Variants in SLC38A1 observed in about 807,000 individuals in gnomAD.
The protein encoded by SLC38A1 is sodium-coupled neutral amino acid symporter 1.
A neutral mutation model predicts 60.3 loss-of-function variants in SLC38A1; 18 were observed. The ratio of observed to expected loss-of-function variants is 0.30; its 90% CI spans 0.21 to 0.44. The LOEUF (loss-of-function observed/expected upper bound fraction) is 0.44. Among genes scored for constraint, SLC38A1 ranks in the 20% least tolerant of loss-of-function variants. SLC38A1 has a pLI of 1.00. For synonymous variants in SLC38A1, 196 were observed against 212.1 expected, an observed-to-expected ratio of 0.92 and a Z score of 0.66; for missense variants, 448 against 587.2, an observed-to-expected ratio of 0.76 and a Z score of 2.45.
At chr12:46,217,271 A>T (rs973175768) in intron 5 of SLC38A1, among the ~76,000 whole-genome samples, 3 of 152,134 alleles carry the variant, frequency 2.0e-5, no homozygotes, top group African/African-American at 7.2e-5. Context: ...TGGTAGTATG[A>T]CTCCAAAGTC....
chr12:46,231,109 CTA>C (rs1428302823), intron 3 of SLC38A1, among the ~76,000 whole-genome samples: 2 of 107,364 alleles, frequency 1.9e-5, no homozygotes, highest in African/African-American at 5.7e-5. Context: ...CCACGGAATA[CTA>C]TGTCACCATA....
At chr12:46,199,455 T>A (rs1021558921) in intron 13 of SLC38A1, among the ~76,000 whole-genome samples, 1 of 151,446 alleles carries the variant, frequency 6.6e-6, no homozygotes, top group Non-Finnish European at 1.5e-5. Context: ...GCACAAGCAA[T>A]CCTCCTGCCT....
chr12:46,248,894 C>T (rs771373436), intron 1 of SLC38A1, among the ~76,000 whole-genome samples: 16 of 152,242 alleles, frequency 1.1e-4, no homozygotes, highest in South Asian at 6.2e-4. Flanking sequence ...CGATGGCTCA[C>T]GCCTGTAATC....
At chr12:46,252,640 A>G (rs1201000148) in intron 1 of SLC38A1, among the ~76,000 whole-genome samples, 1 of 152,008 alleles carries the variant, frequency 6.6e-6, no homozygotes, top group African/African-American at 2.4e-5. Flanking sequence ...TAAAACAACC[A>G]AAAAGAAAAA....
At position 46,183,532 on chromosome 12, in the gene SLC38A1, C is replaced by T. The variant is rs769817292; in HGVS notation, c.*5438G>A. 1 of 152,120 alleles carries T rather than the reference C, an allele frequency of 6.6e-6. No homozygotes were observed. Among genetic ancestry groups the T allele is most frequent in the African/African-American group, 2.4e-5 (1 of 41,428 alleles). 9.4% of individuals were successfully genotyped at this position (152,120 alleles called of 1,614,324 possible). A position where few individuals can be genotyped will look rare whatever the true frequency, so the allele number is the denominator to read the frequency against. On this transcript the variant is annotated 3_prime_UTR_variant, in exon 17 of 17. Transcript: ENST00000398637. ...GTTCCCTCTCCCCGCTTTCATAGAT[C>T]CCAAAGTTTGAGAAATGCAGCAATT...
intron 16 of SLC38A1, chr12:46,195,699 G>A (rs1027140936): frequency 2.4e-5 from 4 of 165,812 alleles, no homozygotes; most frequent in Admixed American, 5.7e-5. Context: ...GTCGCAGGTC[G>A]ATCTTAGACT....
rs866256031 is a variant in SLC38A1 at position 46,229,261 on chromosome 12, C to A, written c.206G>T (p.Gly69Val). 1 of 1,606,578 alleles carries A rather than the reference C, an allele frequency of 6.2e-7. No individual in the cohort carries two copies. The highest frequency in any genetic ancestry group is 1.1e-5 in the South Asian group (1 of 90,548). The change falls in exon 5 of 17, where the codon GGT (glycine) becomes GTT (valine). Residue 69 changes from glycine to valine, a missense_variant. Around this residue, in one of 2 missense-constraint regions of SLC38A1, gnomAD observed 102 missense variants for 89.7 expected, o/e 1.14. Coordinates refer to ENST00000398637, the MANE Select transcript of SLC38A1 (RefSeq NM_030674.4). ...AACAGACATGCCTAAGGAGGTTGTACCTGGAATCTGAACAAAGAAACAAAC... is the reference window on the plus strand; with the variant it reads ...AACAGACATGCCTAAGGAGGTTGTAACTGGAATCTGAACAAAGAAACAAAC... ...EKKKCDEYIP[G>V]TTSLGMSVFN...
rs1184927873 is a variant in SLC38A1, at chr12:46,187,319, C to G, written c.*1651G>C. The G allele has an allele frequency of 6.6e-6, 1 of 152,184 alleles. No individual in the cohort carries two copies. Among genetic ancestry groups the G allele is most frequent in the Admixed American group, 6.5e-5 (1 of 15,282 alleles). The allele number at this position is 152,184 out of a possible 1,614,324, so 9.4% of individuals were successfully genotyped here. ...CAGTCTGCGGTTAGATTCTACTTGT[C>G]TCTGGATAAGAAATCTGTGCTCAGT... On this transcript the variant is annotated 3_prime_UTR_variant, in exon 17 of 17. Coordinates refer to ENST00000398637, the MANE Select transcript of SLC38A1 (RefSeq NM_030674.4).
intron 16 of SLC38A1, among the ~76,000 whole-genome samples, chr12:46,193,917 C>T (rs1264665889): frequency 4.6e-5 from 7 of 152,146 alleles, no homozygotes; most frequent in Non-Finnish European, 1.0e-4. Context: ...TTAATTGGGG[C>T]ATTTAGCCCA....
At chr12:46,208,939 A>G in intron 6 of SLC38A1, 115 bp downstream of exon 6, 1 of 741,188 alleles carries the variant, frequency 1.3e-6, no homozygotes, top group Non-Finnish European at 2.3e-6. Context: ...AGGTCAAAAT[A>G]GTCTTTCTTT....
chr12:46,249,193 G>C (rs138376824), intron 1 of SLC38A1, among the ~76,000 whole-genome samples: 1 of 137,926 alleles, frequency 7.3e-6, no homozygotes, highest in Admixed American at 7.3e-5. Context: ...ACTCAAAACC[G>C]CACAACTACA....
intron 12 of SLC38A1, 26 bp downstream of exon 12, chr12:46,202,984 G>A (rs757235458): frequency 6.3e-7 from 1 of 1,578,246 alleles, no homozygotes; most frequent in Non-Finnish European, 8.7e-7. Context: ...AAACGATTAA[G>A]ATAAAAAATT....
chr12:46,190,018 A>T (rs1164848575), intron 16 of SLC38A1, among the ~76,000 whole-genome samples: 1 of 152,040 alleles, frequency 6.6e-6, no homozygotes, highest in African/African-American at 2.4e-5. Flanking sequence ...TACATGTGCC[A>T]TGTTGGTTTG....
At chr12:46,202,881 G>A in intron 12 of SLC38A1, 129 bp downstream of exon 12, 1 of 624,710 alleles carries the variant, frequency 1.6e-6, no homozygotes, top group Non-Finnish European at 2.8e-6. Flanking sequence ...CACAATGTGA[G>A]TAAATGTTGA....
At chr12:46,249,186 C>CAAAAA (rs1941744968) in intron 1 of SLC38A1, among the ~76,000 whole-genome samples, 1 of 109,020 alleles carries the variant, frequency 9.2e-6, no homozygotes, top group Admixed American at 9.1e-5. Flanking sequence ...GAAACTCACT[C>CAAAAA]AAAACCGCAC....
At chr12:46,219,620 C>T (rs1184114047) in intron 5 of SLC38A1, among the ~76,000 whole-genome samples, 2 of 152,140 alleles carry the variant, frequency 1.3e-5, no homozygotes, top group Non-Finnish European at 2.9e-5. Context: ...CTAATTAAAC[C>T]AACTACCACT....
Position 46,229,244 on chromosome 12 carries a change from T to G in SLC38A1, c.223A>C (p.Met75Leu). The change falls in exon 5 of 17, where the codon ATG (methionine) becomes CTG (leucine). Residue 75 changes from methionine (M) to leucine (L), a missense_variant. Met to Leu is a conservative substitution (Grantham distance 15). This residue lies in a region of SLC38A1 where 102 missense variants were observed against 89.7 expected (regional missense o/e 1.14). Coordinates refer to ENST00000398637, the MANE Select transcript of SLC38A1 (RefSeq NM_030674.4). Reference sequence around the variant, plus strand: ...GCGTTGCTTAGGTTAAAAACAGACATGCCTAAGGAGGTTGTACCTGGAATC... The same window carrying G: ...GCGTTGCTTAGGTTAAAAACAGACAGGCCTAAGGAGGTTGTACCTGGAATC... ...EYIPGTTSLG[M>L]SVFNLSNAIM... 6.2e-7 allele frequency: 1 copy of G among 1,612,800 alleles called. No homozygotes were observed. The highest frequency in any genetic ancestry group is 8.5e-7 in the Non-Finnish European group (1 of 1,179,076).
chr12:46,215,663 C>T (rs1454683470), intron 5 of SLC38A1, among the ~76,000 whole-genome samples: 1 of 152,152 alleles, frequency 6.6e-6, no homozygotes, highest in Admixed American at 6.5e-5. Context: ...CCACCTCAAG[C>T]ATTATTTACT....
chr12:46,236,080 T>A (rs992326102), intron 3 of SLC38A1, among the ~76,000 whole-genome samples: 1 of 152,206 alleles, frequency 6.6e-6, no homozygotes, highest in Non-Finnish European at 1.5e-5. Flanking sequence ...AGGCTTACTA[T>A]TGCCAGACAC....
Sources: allele counts gnomAD v4.1 joint callset (sites outside exome capture counted in the v4.1 genomes callset), GRCh38; gene constraint gnomAD v4.1.1; regional missense constraint gnomAD v4.1.1; transcripts MANE v1.5; gene names NCBI Gene and HGNC (gene_info 2026-07-23, HGNC 2026-07-21).